Variants in CREB5 observed in about 807,000 individuals in gnomAD.
CREB5 encodes the protein cyclic AMP-responsive element-binding protein 5.
CREB5 carries 19 observed loss-of-function variants against 57.1 expected under a neutral mutation model. The observed-to-expected ratio is 0.33, with a 90% confidence interval of 0.23 to 0.49. CREB5 has a LOEUF of 0.49. CREB5 is among the 20% of genes least tolerant of loss of function. CREB5 has a pLI of 0.99. For missense variants in CREB5, 579 were observed against 671.6 expected (o/e 0.86, Z 1.52); for synonymous variants, 238 against 238.3 (o/e 1.00, Z 0.01).
upstream of CREB5, among the ~76,000 whole-genome samples, chr7:28,412,203 C>A (rs1787828466): frequency 1.3e-5 from 2 of 152,302 alleles, no homozygotes; most frequent in East Asian, 3.9e-4. Context: ...TAACAGAAAG[C>A]CCTTTTAATT....
At chr7:28,815,084 A>C (rs73079987) in intron 9 of CREB5, among the ~76,000 whole-genome samples, 8,309 of 152,262 alleles carry the variant, frequency 0.055, 315 homozygotes, top group Middle Eastern at 0.095. Context: ...CAGCCTGGGC[A>C]AAATAGCTAC....
intron 5 of CREB5, among the ~76,000 whole-genome samples, chr7:28,684,426 A>G (rs1157356102): frequency 2.0e-5 from 3 of 152,200 alleles, no homozygotes; most frequent in Non-Finnish European, 4.4e-5. Context: ...TGGAGAAAGC[A>G]CTTCCCCACC....
rs4722804 is a variant in CREB5 at position 28,492,846 on chromosome 7, G to T, written c.76-2060G>T. Reference sequence around the variant, plus strand: ...ATTAGTTGTTTGACGGAAAGACTAGGCAACTCAGTCTCTAAATCACACGTG... The same window carrying T: ...ATTAGTTGTTTGACGGAAAGACTAGTCAACTCAGTCTCTAAATCACACGTG... On this transcript the variant is annotated intron_variant, in intron 2 of 10. Coordinates refer to ENST00000357727, the MANE Select transcript of CREB5 (RefSeq NM_182898.4). Among the ~76,000 whole-genome samples, 35,155 of 151,500 alleles carry T rather than the reference G, an allele frequency of 0.23. 4,634 individuals carry two copies. Among genetic ancestry groups the T allele is most frequent in the African/African-American group, 0.37 (15,234 of 41,348 alleles).
intron 4 of CREB5, among the ~76,000 whole-genome samples, chr7:28,517,838 C>T (rs1359265523): frequency 6.6e-6 from 1 of 151,976 alleles, no homozygotes; most frequent in African/African-American, 2.4e-5. Context: ...CAGTCCAGTC[C>T]TCTTGTTTGG....
chr7:28,700,995 A>G (rs549314603), intron 5 of CREB5, among the ~76,000 whole-genome samples: 1 of 150,664 alleles, frequency 6.6e-6, no homozygotes, highest in African/African-American at 2.5e-5. Context: ...CAACCCTGTG[A>G]GTAAAGTAGA....
At chr7:28,523,128 T>G (rs1028440330) in intron 4 of CREB5, among the ~76,000 whole-genome samples, 3 of 152,164 alleles carry the variant, frequency 2.0e-5, no homozygotes, top group Non-Finnish European at 4.4e-5. Flanking sequence ...AAAGCACGCT[T>G]GGGTGAGCAC....
intron 7 of CREB5, among the ~76,000 whole-genome samples, chr7:28,755,006 T>A (rs147562033): frequency 6.6e-6 from 1 of 152,230 alleles, no homozygotes; most frequent in Non-Finnish European, 1.5e-5. Context: ...GAACCAAAAC[T>A]TCAAGAATGG....
chr7:28,541,458 A>G (rs1473957357), intron 4 of CREB5, among the ~76,000 whole-genome samples: 1 of 152,164 alleles, frequency 6.6e-6, no homozygotes, highest in Non-Finnish European at 1.5e-5. Flanking sequence ...ACTTGAGGTT[A>G]GGAGTTCCAG....
intron 5 of CREB5, among the ~76,000 whole-genome samples, chr7:28,708,867 C>G (rs113048920): frequency 1.3e-5 from 2 of 152,120 alleles, no homozygotes; most frequent in Non-Finnish European, 2.9e-5. Flanking sequence ...CAGGCAAGTG[C>G]GCCAGTGAAT....
chr7:28,783,945 A>C (rs976884172), intron 7 of CREB5, among the ~76,000 whole-genome samples: 1 of 152,216 alleles, frequency 6.6e-6, no homozygotes, highest in Non-Finnish European at 1.5e-5. Context: ...TGGCAGCCTC[A>C]TATATATTTA....
chr7:28,662,092 T>C (rs10253808), intron 5 of CREB5, among the ~76,000 whole-genome samples: 18,814 of 152,216 alleles, frequency 0.12, 2,460 homozygotes, highest in African/African-American at 0.33. Flanking sequence ...GCTGCTCTTC[T>C]AGCGGCCTAG....
chr7:28,729,527 T>C (rs773149452), intron 7 of CREB5, among the ~76,000 whole-genome samples: 72 of 152,274 alleles, frequency 4.7e-4, no homozygotes, highest in Non-Finnish European at 9.3e-4. Context: ...TTGCCTACGG[T>C]GCCCCTTGGC....
Position 28,435,611 on chromosome 7 carries a change from C to A in CREB5, c.3+22694C>A, listed in dbSNP as rs907708191. The A allele has an allele frequency of 3.0e-6, 3 of 984,466 alleles. No individual in the cohort carries two copies. In the African/African-American group the frequency reaches 5.3e-5, roughly 17 times the overall value. The allele number at this position is 984,466 out of a possible 1,614,324, so 61.0% of individuals were successfully genotyped here. A position where few individuals can be genotyped will look rare whatever the true frequency, so the allele number is the denominator to read the frequency against. Reference sequence around the variant, plus strand: ...AAACATTTATTTTCTTTGCAAAAGGCAAGTTTTAGTGGTGGAGTCAATTTA... The same window carrying A: ...AAACATTTATTTTCTTTGCAAAAGGAAAGTTTTAGTGGTGGAGTCAATTTA... On this transcript the variant is annotated intron_variant, in intron 1 of 10. Transcript: ENST00000357727.
At chr7:28,437,743 C>T (rs73297144) in intron 1 of CREB5, among the ~76,000 whole-genome samples, 2,584 of 152,076 alleles carry the variant, frequency 0.017, 83 homozygotes, top group African/African-American at 0.058. Flanking sequence ...ACATTGTTAC[C>T]AACTCTATTT....
At chr7:28,471,062 C>A (rs1303325258) in intron 1 of CREB5, among the ~76,000 whole-genome samples, 1 of 152,126 alleles carries the variant, frequency 6.6e-6, no homozygotes, top group Non-Finnish European at 1.5e-5. Context: ...CTTTGCTGTG[C>A]AGAAGCTTTT....
At chr7:28,500,390 T>C (rs765679209) in intron 3 of CREB5, among the ~76,000 whole-genome samples, 2 of 152,184 alleles carry the variant, frequency 1.3e-5, no homozygotes, top group African/African-American at 2.4e-5. Flanking sequence ...GCTGACTATA[T>C]CTTGAGCTGA....
chr7:28,312,493 A>AG (rs1358403396), intron 1 of CREB5, among the ~76,000 whole-genome samples: 1 of 152,178 alleles, frequency 6.6e-6, no homozygotes, highest in East Asian at 1.9e-4. Flanking sequence ...ACATGCAGAA[A>AG]GTCTCTGGTG....
chr7:28,602,707 T>C (rs1796968819), intron 5 of CREB5, among the ~76,000 whole-genome samples: 1 of 152,146 alleles, frequency 6.6e-6, no homozygotes, highest in Non-Finnish European at 1.5e-5. Context: ...GGAATTAGGT[T>C]TGGGTAGAGA....
rs185394180 is a variant in CREB5, at chr7:28,646,547, G to A, written c.465-72206G>A. 2.0e-3 allele frequency among the ~76,000 whole-genome samples: 299 copies of A among 152,316 alleles called. 1 individual carries two copies. The highest frequency in any genetic ancestry group is 6.7e-3 in the African/African-American group (280 of 41,570). On this transcript the variant is annotated intron_variant, in intron 5 of 10. Coordinates refer to ENST00000357727, the MANE Select transcript of CREB5 (RefSeq NM_182898.4). ...AACAGTGCAAAAGGTCATCCTCTGA[G>A]TGTCTTTGGATCAGGATTATTTCAT...
Sources: allele counts gnomAD v4.1 joint callset (sites outside exome capture counted in the v4.1 genomes callset), GRCh38; gene constraint gnomAD v4.1.1; transcripts MANE v1.5; gene names NCBI Gene and HGNC (gene_info 2026-07-23, HGNC 2026-07-21).